SEMA6A: variants seen among roughly 807,000 people sequenced by gnomAD.
SEMA6A encodes semaphorin 6A, also known as semaphorin-6A.
Under a neutral mutation model 96.8 loss-of-function variants are expected in SEMA6A, and 25 were observed. The ratio of observed to expected loss-of-function variants is 0.26; its 90% CI spans 0.19 to 0.36. The LOEUF is 0.36. Ranked by LOEUF, SEMA6A falls within the 10% of genes least tolerant of loss-of-function variation. The pLI, the probability that SEMA6A is intolerant of heterozygous loss-of-function variation, is 1.00. For synonymous variants in SEMA6A, 612 were observed against 518.0 expected (o/e 1.18, Z -2.46); for missense variants, 1,363 against 1,323.1 (o/e 1.03, Z -0.47).
intron 17 of SEMA6A, chr5:116,472,856 A>AG: frequency 6.5e-5 from 10 of 153,572 alleles, no homozygotes; most frequent in Non-Finnish European, 1.3e-4. Context: ...TCACGAATTT[A>AG]AAAAAAAAAA....
intron 17 of SEMA6A, among the ~76,000 whole-genome samples, chr5:116,469,830 G>A (rs1052122139): frequency 2.0e-5 from 3 of 152,198 alleles, no homozygotes; most frequent in African/African-American, 7.2e-5. Context: ...GGAAAGCTAT[G>A]GCTATGAGAG....
intron 1 of SEMA6A, among the ~76,000 whole-genome samples, chr5:116,541,867 C>T (rs944000613): frequency 4.6e-5 from 7 of 151,800 alleles, no homozygotes; most frequent in Admixed American, 6.6e-5. Flanking sequence ...CAAAAAATAG[C>T]GTGAACTCGG....
intron 1 of SEMA6A, among the ~76,000 whole-genome samples, chr5:116,532,129 G>A (rs1168731989): frequency 1.3e-5 from 2 of 152,118 alleles, no homozygotes; most frequent in Non-Finnish European, 2.9e-5. Flanking sequence ...ATTTATGTTC[G>A]AGTGCTATTT....
chr5:116,489,584 G>A (rs796841857), intron 7 of SEMA6A, among the ~76,000 whole-genome samples: 15 of 152,286 alleles, frequency 9.8e-5, no homozygotes, highest in African/African-American at 2.6e-4. Context: ...CTAAACCCTC[G>A]CAATCTGGTT....
chr5:116,505,536 T>C (rs1047380476), intron 1 of SEMA6A, among the ~76,000 whole-genome samples: 2 of 151,922 alleles, frequency 1.3e-5, no homozygotes, highest in South Asian at 2.1e-4. Context: ...GACTTCTTAA[T>C]TGAGATATTC....
rs1342871360 is a variant in SEMA6A at position 116,480,178 on chromosome 5, C to G, written c.1194G>C (p.Met398Ile). ...TGAAGATGGAGGGCACTGCCTCATC[C>G]ATGAGCGGGTGCGTCTTGATGAAGT... ...TLNFIKTHPL[M>I]DEAVPSIFNR... Residue 398 changes from methionine to isoleucine, a missense_variant, in exon 12 of 19, where the codon ATG becomes ATC. By Grantham distance (10) the Met-to-Ile change is conservative. Transcript: ENST00000343348. The G allele has an allele frequency of 6.2e-7, 1 of 1,613,858 alleles. No individual in the cohort carries two copies. The highest frequency in any genetic ancestry group is 2.2e-5 in the East Asian group (1 of 44,870).
chr5:116,456,793 G>T (rs1378902694), intron 18 of SEMA6A, among the ~76,000 whole-genome samples: 2 of 152,168 alleles, frequency 1.3e-5, no homozygotes, highest in Non-Finnish European at 2.9e-5. Flanking sequence ...TGGACAGAGT[G>T]GCTTCCTTTA....
chr5:116,502,455 A>G, intron 2 of SEMA6A, 128 bp from the exon 3 acceptor site: 3 of 694,722 alleles, frequency 4.3e-6, no homozygotes, highest in African/African-American at 1.8e-5. Flanking sequence ...ACCATTTTCC[A>G]TTTCCATATG....
At chr5:116,546,585 T>C (rs535112101) in intron 1 of SEMA6A, among the ~76,000 whole-genome samples, 1 of 152,314 alleles carries the variant, frequency 6.6e-6, no homozygotes, top group South Asian at 2.1e-4. Flanking sequence ...CTAATAAGCT[T>C]TTGGGTGATG....
At position 116,486,820 on chromosome 5, in the gene SEMA6A, C is replaced by T. The variant is rs2082089511; in HGVS notation, c.891G>A (p.Gln297=). The change falls in exon 10 of 19, where the codon CAG becomes CAA. Residue 297 remains glutamine, a synonymous_variant. Transcript: ENST00000343348. ...TGATACGAATCACATCTGTAACTGC[C>T]TGGAGAATGTTGAAATAAAAATGAG... is the stretch of plus-strand genomic sequence containing the variant. ...GDSHFYFNIL[Q]AVTDVIRING... 6.2e-7 allele frequency: 1 copy of T among 1,613,720 alleles called. No homozygotes were observed. The highest frequency in any genetic ancestry group is 1.1e-5 in the South Asian group (1 of 91,084).
intron 18 of SEMA6A, among the ~76,000 whole-genome samples, chr5:116,461,387 C>G (rs1232393293): frequency 6.6e-6 from 1 of 152,014 alleles, no homozygotes; most frequent in Admixed American, 6.6e-5. Flanking sequence ...CTGCCTTGCT[C>G]TACTCTCACA....
intron 12 of SEMA6A, among the ~76,000 whole-genome samples, chr5:116,479,498 A>C (rs1756642656): frequency 6.6e-6 from 1 of 152,232 alleles, no homozygotes; most frequent in Admixed American, 6.5e-5. Context: ...ATAGTGGTAA[A>C]GTTAATTAAC....
At chr5:116,513,243 C>A (rs997777611) in intron 1 of SEMA6A, among the ~76,000 whole-genome samples, 1 of 152,024 alleles carries the variant, frequency 6.6e-6, no homozygotes. Flanking sequence ...TTCTCCTGCT[C>A]CAGCCTCCTG....
rs1456633171 is a variant in SEMA6A at position 116,467,598 on chromosome 5, G to A, written c.1879C>T (p.His627Tyr). ...DPLGAVSSHN[H>Y]QDKKGVIRES... ...AAGGCCTTACCCTTCTTGTCTTGGT[G>A]ATTATGGGAAGACACTGCCCCCAAA... is the stretch of plus-strand genomic sequence containing the variant. Residue 627 changes from histidine to tyrosine, a missense_variant, in exon 18 of 19, where the codon CAC becomes TAC. His to Tyr is a moderately conservative substitution (Grantham distance 83). Transcript: ENST00000343348. 3 of 1,612,924 alleles carry A rather than the reference G, an allele frequency of 1.9e-6. No homozygotes were observed. The East Asian group carries it at 6.7e-5, about 36-fold the overall frequency.
chr5:116,453,168 G>A (rs374708320), intron 18 of SEMA6A, among the ~76,000 whole-genome samples: 22 of 152,182 alleles, frequency 1.4e-4, no homozygotes, highest in African/African-American at 5.3e-4. Context: ...CTTCTAGTCT[G>A]TTAGGCTGGA....
At chr5:116,485,373 C>T (rs1554085012) in intron 10 of SEMA6A, among the ~76,000 whole-genome samples, 1 of 152,148 alleles carries the variant, frequency 6.6e-6, no homozygotes, top group Non-Finnish European at 1.5e-5. Flanking sequence ...AGACAGTATA[C>T]TTTTTCAAAA....
At chr5:116,527,719 A>T (rs116732109) in intron 1 of SEMA6A, among the ~76,000 whole-genome samples, 1 of 152,158 alleles carries the variant, frequency 6.6e-6, no homozygotes, top group Non-Finnish European at 1.5e-5. Flanking sequence ...TAATGAGTCT[A>T]ATGATTAGTC....
intron 18 of SEMA6A, chr5:116,449,245 A>C: frequency 1.4e-6 from 1 of 698,036 alleles, no homozygotes; most frequent in South Asian, 1.5e-5. Context: ...AATACATTAG[A>C]GGCACTGCAT....
At chr5:116,513,851 G>A (rs1050163104) in intron 1 of SEMA6A, among the ~76,000 whole-genome samples, 1 of 152,008 alleles carries the variant, frequency 6.6e-6, no homozygotes, top group Non-Finnish European at 1.5e-5. Flanking sequence ...TCATCATTTA[G>A]CTCCCACTTG....
Sources: allele counts gnomAD v4.1 joint callset (sites outside exome capture counted in the v4.1 genomes callset), GRCh38; gene constraint gnomAD v4.1.1; transcripts MANE v1.5; gene names NCBI Gene and HGNC (gene_info 2026-07-23, HGNC 2026-07-21).